MANEA: variants seen among roughly 807,000 people sequenced by gnomAD.
The protein encoded by MANEA is mannosidase endo-alpha, also known as glycoprotein endo-alpha-1,2-mannosidase.
A neutral mutation model predicts 36.8 loss-of-function variants in MANEA; 25 were observed. That is an observed-to-expected ratio of 0.68 (90% CI 0.50 to 0.95). The LOEUF is 0.95. MANEA is among the 40% of genes least tolerant of loss of function. The pLI is 0.00. For missense variants in MANEA, 565 were observed against 558.8 expected, an observed-to-expected ratio of 1.01 and a Z score of -0.11; for synonymous variants, 198 against 188.5, an observed-to-expected ratio of 1.05 and a Z score of -0.41.
intron 1 of MANEA, among the ~76,000 whole-genome samples, 191 bp from the exon 2 acceptor site, chr6:95,586,211 G>A (rs973271484): frequency 6.6e-6 from 1 of 152,122 alleles, no homozygotes; most frequent in African/African-American, 2.4e-5. Context: ...TCTAGCCATA[G>A]ACCCTTATTG....
chr6:95,602,980 A>G lies in MANEA; in HGVS notation c.655-1847A>G, dbSNP rs1326669199. On this transcript the variant is annotated intron_variant, in intron 3 of 4. Coordinates refer to ENST00000358812, the MANE Select transcript of MANEA (RefSeq NM_024641.4). ...GCTTGCAGTGAGCCGAGATTGCGCC[A>G]CTGCAGTCCGCAGTCCGGCCTGGGC... Among the ~76,000 whole-genome samples, 20 of 139,810 alleles carry G rather than the reference A, an allele frequency of 1.4e-4. No homozygotes were observed. The Admixed American group carries it at 1.5e-3, about 11-fold the overall frequency. 91.7% of individuals were successfully genotyped at this position (139,810 alleles called of 152,430 possible).
intron 1 of MANEA, among the ~76,000 whole-genome samples, chr6:95,582,254 G>A (rs1428438541): frequency 1.5e-5 from 2 of 133,324 alleles, no homozygotes; most frequent in African/African-American, 5.7e-5. Context: ...CGCGATCTCT[G>A]CTCACTACAA....
At chr6:95,596,639 T>C in intron 2 of MANEA, 98 bp from the exon 3 acceptor site, 1 of 634,198 alleles carries the variant, frequency 1.6e-6, no homozygotes, top group Non-Finnish European at 2.8e-6. Flanking sequence ...ATAAATATGT[T>C]CTTCTATTGT....
chr6:95,600,548 A>G (rs920740669), intron 3 of MANEA, among the ~76,000 whole-genome samples: 1 of 152,220 alleles, frequency 6.6e-6, no homozygotes, highest in African/African-American at 2.4e-5. Context: ...AAAGAATGGA[A>G]AACTTTCCCT....
chr6:95,602,746 C>T (rs1281162826), intron 3 of MANEA, among the ~76,000 whole-genome samples: 2 of 151,854 alleles, frequency 1.3e-5, no homozygotes, highest in African/African-American at 2.4e-5. Flanking sequence ...AATGGCCGGG[C>T]GCGGTGGCTC....
chr6:95,587,034 T>G, intron 2 of MANEA, 51 bp downstream of exon 2: 1 of 1,069,324 alleles, frequency 9.4e-7, no homozygotes, highest in Non-Finnish European at 1.4e-6. Context: ...TATATGCATA[T>G]AAATGATTTT....
chr6:95,602,051 C>T (rs1006596776), intron 3 of MANEA, among the ~76,000 whole-genome samples: 5 of 151,936 alleles, frequency 3.3e-5, no homozygotes, highest in Non-Finnish European at 7.4e-5. Flanking sequence ...TCTCCTTTTT[C>T]TTTTTCCTTG....
intron 3 of MANEA, among the ~76,000 whole-genome samples, chr6:95,603,406 T>G (rs1306840012): frequency 6.6e-6 from 1 of 152,152 alleles, no homozygotes; most frequent in African/African-American, 2.4e-5. Context: ...CCAAAGTTAT[T>G]GAGAAATCTA....
chr6:95,594,958 G>A (rs570944801), intron 2 of MANEA, among the ~76,000 whole-genome samples: 3 of 152,036 alleles, frequency 2.0e-5, no homozygotes, highest in South Asian at 2.1e-4. Flanking sequence ...TTTTCTCCCC[G>A]TGTTTTATAT....
At chr6:95,593,873 C>A (rs1769434672) in intron 2 of MANEA, among the ~76,000 whole-genome samples, 1 of 151,924 alleles carries the variant, frequency 6.6e-6, no homozygotes, top group Non-Finnish European at 1.5e-5. Flanking sequence ...TGGTGAAACC[C>A]CATCTCTACT....
chr6:95,586,744 A>AT lies in MANEA; in HGVS notation c.306dup (p.Leu103SerfsTer15). 3.1e-6 allele frequency: 5 copies of AT among 1,613,802 alleles called. No individual in the cohort carries two copies. The highest frequency in any genetic ancestry group is 4.2e-6 in the Non-Finnish European group (5 of 1,179,740). ...GATGAACTACCACCTCTGAACAATT[A>AT]TCTACATGTATTTTATTACAGTTGG... On this transcript the variant is annotated frameshift_variant, in exon 2 of 5. Transcript: ENST00000358812. LOFTEE classifies it high-confidence loss of function.
intron 3 of MANEA, among the ~76,000 whole-genome samples, chr6:95,602,962 G>A (rs543601725): frequency 7.0e-6 from 1 of 143,124 alleles, no homozygotes; most frequent in Admixed American, 7.2e-5. Context: ...GGAGCTTGCA[G>A]TGAGCCGAGA....
At chr6:95,590,692 A>G (rs1250721720) in intron 2 of MANEA, among the ~76,000 whole-genome samples, 2 of 152,184 alleles carry the variant, frequency 1.3e-5, no homozygotes, top group Non-Finnish European at 2.9e-5. Flanking sequence ...TAAAGCTTTC[A>G]TATTGCTATA....
intron 1 of MANEA, among the ~76,000 whole-genome samples, chr6:95,585,809 TAGTA>T (rs967596942): frequency 3.9e-5 from 6 of 152,232 alleles, no homozygotes; most frequent in Non-Finnish European, 8.8e-5. Context: ...TTTCATACAC[TAGTA>T]AGTATTTCCT....
chr6:95,603,336 T>TA (rs1769635471), intron 3 of MANEA, among the ~76,000 whole-genome samples: 1 of 152,010 alleles, frequency 6.6e-6, no homozygotes, highest in African/African-American at 2.4e-5. Context: ...CATTATGTAA[T>TA]AGTATGAAAA....
intron 2 of MANEA, among the ~76,000 whole-genome samples, chr6:95,594,326 A>G (rs568511434): frequency 2.0e-5 from 3 of 152,268 alleles, no homozygotes; most frequent in Admixed American, 6.5e-5. Context: ...CATGTAGCTG[A>G]TAAGTGGTGA....
intron 2 of MANEA, among the ~76,000 whole-genome samples, chr6:95,587,573 T>G (rs1223895025): frequency 2.6e-5 from 4 of 152,154 alleles, no homozygotes; most frequent in Non-Finnish European, 5.9e-5. Flanking sequence ...CAGCACAATA[T>G]TTTGAACTGC....
chr6:95,595,043 T>C (rs1343297863), intron 2 of MANEA, among the ~76,000 whole-genome samples: 1 of 152,218 alleles, frequency 6.6e-6, no homozygotes, highest in East Asian at 1.9e-4. Context: ...TAGTCTGCTA[T>C]TATTAGAAAC....
At chr6:95,599,657 C>T (rs1270423321) in intron 3 of MANEA, among the ~76,000 whole-genome samples, 1 of 152,168 alleles carries the variant, frequency 6.6e-6, no homozygotes, top group Non-Finnish European at 1.5e-5. Context: ...TCTTAATTTT[C>T]CTTTTGCAGC....
Sources: gnomAD v4.1 joint callset for allele counts (sites outside exome capture counted in the v4.1 genomes callset) on GRCh38, gnomAD v4.1.1 for gene constraint, MANE v1.5 for transcripts, NCBI Gene and HGNC (gene_info 2026-07-23, HGNC 2026-07-21) for gene names.